The following TRPM3 variants were observed in gnomAD, a reference collection of about 807,000 sequenced individuals.
TRPM3 encodes long transient receptor potential channel 3.
In TRPM3, 77 loss-of-function variants were observed where a neutral mutation model predicts 181.2. That is an observed-to-expected ratio of 0.42 (90% CI 0.35 to 0.51). TRPM3 has a LOEUF of 0.51. Among genes scored for constraint, TRPM3 ranks in the 20% least tolerant of loss-of-function variants. TRPM3 has a pLI of 0.01. For missense variants in TRPM3, 1,759 were observed against 2,196.7 expected (o/e 0.80, Z 3.98); for synonymous variants, 745 against 796.4 (o/e 0.94, Z 1.09).
intron 22 of TRPM3, among the ~76,000 whole-genome samples, chr9:70,571,975 A>C (rs1275973840): frequency 7.3e-6 from 1 of 137,138 alleles, no homozygotes; most frequent in Non-Finnish European, 1.7e-5. Context: ...GTCCATCTTG[A>C]CTGTTGGCAT....
intron 18 of TRPM3, among the ~76,000 whole-genome samples, chr9:70,614,574 G>A (rs1192284243): frequency 6.6e-6 from 1 of 152,170 alleles, no homozygotes; most frequent in Non-Finnish European, 1.5e-5. Context: ...CCATTAGTAA[G>A]TATGTGTAAA....
chr9:71,273,399 A>G (rs1362155908), intron 1 of TRPM3, among the ~76,000 whole-genome samples: 2 of 152,164 alleles, frequency 1.3e-5, no homozygotes, highest in Non-Finnish European at 2.9e-5. Context: ...CTGCCACATG[A>G]CCTCTCAGCA....
chr9:70,896,613 G>A (rs557625844), intron 1 of TRPM3, among the ~76,000 whole-genome samples: 2 of 152,134 alleles, frequency 1.3e-5, no homozygotes, highest in African/African-American at 4.8e-5. Context: ...TAGAGACAAT[G>A]AGCACTTTCA....
chr9:71,012,837 C>T (rs886768059), intron 1 of TRPM3, among the ~76,000 whole-genome samples: 1 of 152,038 alleles, frequency 6.6e-6, no homozygotes, highest in Non-Finnish European at 1.5e-5. Context: ...TCAGTCAATA[C>T]AGACAATTTT....
At chr9:70,989,186 G>A (rs532536305) in intron 1 of TRPM3, among the ~76,000 whole-genome samples, 2 of 152,128 alleles carry the variant, frequency 1.3e-5, no homozygotes, top group East Asian at 1.9e-4. Context: ...ACTTTAAAAA[G>A]ATGATATTCT....
intron 6 of TRPM3, among the ~76,000 whole-genome samples, chr9:70,804,278 C>T (rs149823243): frequency 1.9e-4 from 29 of 152,068 alleles, no homozygotes; most frequent in South Asian, 6.2e-4. Context: ...TGCACTGAGC[C>T]GAGATTGCAC....
intron 1 of TRPM3, among the ~76,000 whole-genome samples, chr9:71,117,200 T>G (rs1173391954): frequency 6.6e-6 from 1 of 152,188 alleles, no homozygotes; most frequent in Non-Finnish European, 1.5e-5. Context: ...AGCTTCCAGT[T>G]GCATCATCTC....
intron 22 of TRPM3, among the ~76,000 whole-genome samples, chr9:70,573,551 C>T (rs1272255280): frequency 6.6e-6 from 1 of 151,994 alleles, no homozygotes; most frequent in East Asian, 1.9e-4. Flanking sequence ...GCTCTAACCT[C>T]TCAATGTCAA....
chr9:70,945,909 T>C (rs7860557), intron 1 of TRPM3, among the ~76,000 whole-genome samples: 5,917 of 152,092 alleles, frequency 0.039, 407 homozygotes, highest in African/African-American at 0.13. Context: ...TTGGGTTTCA[T>C]TGGGACCTGA....
chr9:70,540,816 G>A (rs1267614663), intron 25 of TRPM3, among the ~76,000 whole-genome samples: 3 of 152,108 alleles, frequency 2.0e-5, no homozygotes, highest in African/African-American at 2.4e-5. Flanking sequence ...TTGACCTCCC[G>A]GGGCTCAGGC....
chr9:71,304,834 G>T (rs1035652802), intron 1 of TRPM3, among the ~76,000 whole-genome samples: 1 of 152,140 alleles, frequency 6.6e-6, no homozygotes, highest in African/African-American at 2.4e-5. Flanking sequence ...TGGTTAGTTT[G>T]GTTGGGTTCT....
At position 70,843,045 on chromosome 9, in the gene TRPM3, G is replaced by T; in HGVS notation, c.759C>A (p.Pro253=). 1.9e-6 allele frequency: 3 copies of T among 1,613,552 alleles called. No individual in the cohort carries two copies. The highest frequency in any genetic ancestry group is 2.5e-6 in the Non-Finnish European group (3 of 1,179,804). The change falls in exon 5 of 26, where the codon CCC becomes CCA. Residue 253 remains proline, a synonymous_variant. Transcript: ENST00000677713. The stretch of plus-strand genomic sequence containing the variant: ...CCTCCTGGTTTTCCACAATTCCCCA[G>T]GGGGCAATACCTATGGTGCATATCT... ...RGKICTIGIA[P]WGIVENQEDL...
chr9:71,283,074 A>T (rs1055115923), intron 1 of TRPM3, among the ~76,000 whole-genome samples: 1 of 152,100 alleles, frequency 6.6e-6, no homozygotes, highest in African/African-American at 2.4e-5. Flanking sequence ...CATCTTAACC[A>T]TATTTAATTG....
chr9:70,597,016 C>A (rs901429566), intron 21 of TRPM3, among the ~76,000 whole-genome samples: 7 of 152,130 alleles, frequency 4.6e-5, no homozygotes, highest in Non-Finnish European at 7.3e-5. Flanking sequence ...CTCACCGCAA[C>A]CTTGCCTCCT....
At chr9:70,858,696 C>A (rs1262162397) in intron 3 of TRPM3, among the ~76,000 whole-genome samples, 3 of 152,050 alleles carry the variant, frequency 2.0e-5, no homozygotes, top group African/African-American at 7.2e-5. Flanking sequence ...CAGCCATAAC[C>A]TCCGAGACCT....
chr9:70,869,051 C>T lies in TRPM3; in HGVS notation c.178-4540G>A, dbSNP rs1013243705. The T allele has an allele frequency of 5.1e-6, 5 of 985,056 alleles. No individual in the cohort carries two copies. In the African/African-American group the frequency reaches 8.7e-5, roughly 17 times the overall value. 61.0% of individuals were successfully genotyped at this position (985,056 alleles called of 1,614,324 possible). On this transcript the variant is annotated intron_variant, in intron 1 of 25. Coordinates refer to ENST00000677713, the MANE Select transcript of TRPM3 (RefSeq NM_001366145.2). ...AGCAGCTCCTGTTGCTTTCATTTTGCTGCAGCTAGGGCTGGTCATTCCGTT... is the reference window on the plus strand; with the variant it reads ...AGCAGCTCCTGTTGCTTTCATTTTGTTGCAGCTAGGGCTGGTCATTCCGTT...
At chr9:71,389,962 A>G (rs1468296038) in intron 1 of TRPM3, among the ~76,000 whole-genome samples, 1 of 152,074 alleles carries the variant, frequency 6.6e-6, no homozygotes, top group Non-Finnish European at 1.5e-5. Flanking sequence ...TAACTTATGG[A>G]AAAATAAAAT....
chr9:71,368,223 AAACTGTAGAAG>A (rs1212904776), intron 1 of TRPM3, among the ~76,000 whole-genome samples: 1 of 152,132 alleles, frequency 6.6e-6, no homozygotes, highest in African/African-American at 2.4e-5. Context: ...ATTGTGAGTA[AAACTGTAGAAG>A]TTGATTTGAC....
At chr9:70,953,470 G>T (rs1330733378) in intron 1 of TRPM3, among the ~76,000 whole-genome samples, 1 of 152,094 alleles carries the variant, frequency 6.6e-6, no homozygotes, top group Non-Finnish European at 1.5e-5. Flanking sequence ...ATGTGACATT[G>T]TCTTGCGTTT....
Sources: allele counts gnomAD v4.1 joint callset (sites outside exome capture counted in the v4.1 genomes callset), GRCh38; gene constraint gnomAD v4.1.1; transcripts MANE v1.5; gene names NCBI Gene and HGNC (gene_info 2026-07-23, HGNC 2026-07-21).